ANO2: variants seen among roughly 807,000 people sequenced by gnomAD.
ANO2 encodes the protein anoctamin-2.
ANO2 carries 101 observed loss-of-function variants against 124.2 expected under a neutral mutation model. That is an observed-to-expected ratio of 0.81 (90% CI 0.69 to 0.96). The LOEUF is 0.96. Ranked by LOEUF, ANO2 falls within the 40% of genes least tolerant of loss-of-function variation. The probability of loss-of-function intolerance (pLI) is 0.00; values close to 1 mark genes in which losing one functional copy is unlikely to be tolerated. For synonymous variants in ANO2, 486 were observed against 482.5 expected (o/e 1.01, Z -0.09); for missense variants, 1,293 against 1,274.5 (o/e 1.01, Z -0.22).
rs3223418 is a variant in ANO2, at chr12:5,635,628, C to CACACACACAA, written c.1621-282_1621-281insTTGTGTGTGT. 6.6e-6 allele frequency among the ~76,000 whole-genome samples: 1 copy of CACACACACAA among 151,396 alleles called. No individual in the cohort carries two copies. The highest frequency in any genetic ancestry group is 2.4e-5 in the African/African-American group (1 of 41,078). ...ACACACACACACACACACACACACA[C>CACACACACAA]AATAAGGATGAACATGCTGGACCCT... On this transcript the variant is annotated intron_variant, in intron 15 of 24. Coordinates refer to ENST00000682330, the MANE Select transcript of ANO2 (RefSeq NM_001364791.2). This position sits in a 1 kb window ranked among gnomAD's most constrained non-coding sequence, Gnocchi z 5.2.
chr12:5,934,061 T>G (rs1054583821), intron 1 of ANO2, among the ~76,000 whole-genome samples: 2 of 152,212 alleles, frequency 1.3e-5, no homozygotes, highest in African/African-American at 2.4e-5. Context: ...AACATAGAAC[T>G]GCCCTACTAG....
At chr12:5,680,327 G>T (rs1399170140) in intron 14 of ANO2, among the ~76,000 whole-genome samples, 1 of 152,068 alleles carries the variant, frequency 6.6e-6, no homozygotes, top group Non-Finnish European at 1.5e-5. Context: ...GAATCCACCT[G>T]CACCCACTTT....
At chr12:5,879,937 G>C (rs7953944) in intron 3 of ANO2, among the ~76,000 whole-genome samples, 70,364 of 152,050 alleles carry the variant, frequency 0.46, 16,527 homozygotes, top group South Asian at 0.59. Flanking sequence ...CACTCTGATA[G>C]AGCATGAAGA....
chr12:5,781,307 T>A (rs1952386940), intron 10 of ANO2, among the ~76,000 whole-genome samples: 1 of 152,342 alleles, frequency 6.6e-6, no homozygotes, highest in South Asian at 2.1e-4. Context: ...CCAGACATAT[T>A]CCATACATAC....
intron 14 of ANO2, among the ~76,000 whole-genome samples, chr12:5,717,986 T>C (rs1161972739): frequency 6.6e-6 from 1 of 152,184 alleles, no homozygotes; most frequent in East Asian, 1.9e-4. Context: ...CCAGTAAGGT[T>C]TGGAGAATCA....
intron 9 of ANO2, 137 bp downstream of exon 9, chr12:5,805,915 G>GA (rs1245380251): frequency 1.3e-6 from 1 of 793,824 alleles, no homozygotes; most frequent in Non-Finnish European, 1.9e-6. Flanking sequence ...CTGGGTGGGG[G>GA]AAAGGGGGGA....
intron 3 of ANO2, among the ~76,000 whole-genome samples, chr12:5,909,621 C>T (rs1212007108): frequency 1.3e-5 from 2 of 152,206 alleles, no homozygotes; most frequent in South Asian, 2.1e-4. Context: ...CAACATGCTT[C>T]CAAAGTGCAG....
At chr12:5,934,330 C>A (rs1167164233) in intron 1 of ANO2, among the ~76,000 whole-genome samples, 2 of 152,184 alleles carry the variant, frequency 1.3e-5, no homozygotes, top group Non-Finnish European at 2.9e-5. Context: ...CTTGGTAAAT[C>A]CCTTCCTGGC....
chr12:5,936,384 T>C (rs1219287638), intron 1 of ANO2, among the ~76,000 whole-genome samples: 1 of 152,206 alleles, frequency 6.6e-6, no homozygotes, highest in African/African-American at 2.4e-5. Context: ...TGGGTCCCTC[T>C]GGGAAGGATT....
chr12:5,875,156 C>A (rs578041877), intron 3 of ANO2, among the ~76,000 whole-genome samples: 1 of 152,296 alleles, frequency 6.6e-6, no homozygotes, highest in South Asian at 2.1e-4. Flanking sequence ...ACCTGTTGAA[C>A]CCCAGTGTCT....
At chr12:5,628,695 C>CGCACGCGTGCGT (rs1555108187) in intron 16 of ANO2, among the ~76,000 whole-genome samples, 1 of 152,010 alleles carries the variant, frequency 6.6e-6, no homozygotes, top group Non-Finnish European at 1.5e-5. Context: ...TGTGCGCGCG[C>CGCACGCGTGCGT]GCACGCGTGC....
chr12:5,620,091 A>G (rs1333664843), intron 16 of ANO2, among the ~76,000 whole-genome samples: 2 of 152,246 alleles, frequency 1.3e-5, no homozygotes, highest in Non-Finnish European at 2.9e-5. Flanking sequence ...ACACTCTAAT[A>G]CCGTCTAGTA....
intron 14 of ANO2, among the ~76,000 whole-genome samples, chr12:5,690,675 T>C (rs558158870): frequency 6.6e-6 from 1 of 152,180 alleles, no homozygotes; most frequent in African/African-American, 2.4e-5. Flanking sequence ...CAAGAACACA[T>C]AGGCTGGGAG....
intron 9 of ANO2, among the ~76,000 whole-genome samples, chr12:5,805,180 A>T (rs1953154317): frequency 6.6e-6 from 1 of 152,164 alleles, no homozygotes; most frequent in Non-Finnish European, 1.5e-5. Flanking sequence ...TGTTTTTAAT[A>T]CTTAACACTT....
intron 4 of ANO2, among the ~76,000 whole-genome samples, chr12:5,853,327 T>C (rs1954979400): frequency 6.7e-6 from 1 of 148,804 alleles, no homozygotes; most frequent in Non-Finnish European, 1.5e-5. Context: ...AAATTATGTA[T>C]AGACTATCCT....
chr12:5,743,981 G>A (rs1041490463), intron 12 of ANO2, among the ~76,000 whole-genome samples, 176 bp downstream of exon 12: 2 of 152,158 alleles, frequency 1.3e-5, no homozygotes, highest in Non-Finnish European at 1.5e-5. Flanking sequence ...GGATATTCCT[G>A]TTTCTATTCA....
intron 14 of ANO2, among the ~76,000 whole-genome samples, chr12:5,671,540 C>T (rs1948005254): frequency 6.6e-6 from 1 of 151,628 alleles, no homozygotes; most frequent in African/African-American, 2.4e-5. Flanking sequence ...TGTGTGTGTG[C>T]ATCTCAGGGC....
chr12:5,642,096 T>C (rs1442453015), intron 15 of ANO2, among the ~76,000 whole-genome samples: 2 of 152,206 alleles, frequency 1.3e-5, no homozygotes, highest in Non-Finnish European at 2.9e-5. Flanking sequence ...TGGCATCTAA[T>C]ACAATTGATT....
chr12:5,867,169 A>G (rs1236702086), intron 3 of ANO2, among the ~76,000 whole-genome samples: 2 of 152,212 alleles, frequency 1.3e-5, no homozygotes, highest in Non-Finnish European at 2.9e-5. Context: ...TAGACTTTGA[A>G]CATGTACAAA....
Sources: allele counts gnomAD v4.1 joint callset (sites outside exome capture counted in the v4.1 genomes callset), GRCh38; gene constraint gnomAD v4.1.1; non-coding constraint Gnocchi (gnomAD v3.1); transcripts MANE v1.5; gene names NCBI Gene and HGNC (gene_info 2026-07-23, HGNC 2026-07-21).